Variants in UBE2G1 observed in about 807,000 individuals in gnomAD.
UBE2G1 encodes ubiquitin-conjugating enzyme E2 G1.
UBE2G1 carries 5 observed loss-of-function variants against 22.7 expected under a neutral mutation model. The observed-to-expected ratio is 0.22, with a 90% CI of 0.12 to 0.46. The LOEUF is 0.46. UBE2G1 is among the 20% of genes least tolerant of loss of function. UBE2G1 has a pLI of 0.99. For missense variants in UBE2G1, 88 were observed against 203.9 expected, an observed-to-expected ratio of 0.43 and a Z score of 3.46; for synonymous variants, 74 against 67.5, an observed-to-expected ratio of 1.10 and a Z score of -0.47.
At chr17:4,353,460 T>TACAC (rs1210270667) in intron 1 of UBE2G1, among the ~76,000 whole-genome samples, 3 of 133,408 alleles carry the variant, frequency 2.2e-5, no homozygotes, top group African/African-American at 8.9e-5. Context: ...TATATATATA[T>TACAC]ATACACACAC....
chr17:4,358,940 G>A (rs1237274113), intron 1 of UBE2G1, among the ~76,000 whole-genome samples: 2 of 150,100 alleles, frequency 1.3e-5, no homozygotes, highest in East Asian at 1.9e-4. Flanking sequence ...CAACAAGAGC[G>A]AAACTCCATC....
At chr17:4,283,270 T>C (rs536275169) in intron 4 of UBE2G1, among the ~76,000 whole-genome samples, 1 of 152,336 alleles carries the variant, frequency 6.6e-6, no homozygotes, top group South Asian at 2.1e-4. Context: ...CCCAGCAAGC[T>C]GGGAGGCCGA....
chr17:4,333,481 G>A (rs1480484198), intron 1 of UBE2G1, among the ~76,000 whole-genome samples: 6 of 152,086 alleles, frequency 3.9e-5, no homozygotes, highest in Admixed American at 6.6e-5. Flanking sequence ...TTCGACACCA[G>A]CCTGGCCAAC....
chr17:4,334,261 T>C (rs1479131030), intron 1 of UBE2G1, among the ~76,000 whole-genome samples: 1 of 151,798 alleles, frequency 6.6e-6, no homozygotes, highest in Non-Finnish European at 1.5e-5. Flanking sequence ...CATTTTGTAA[T>C]TCACTGAATG....
chr17:4,280,217 G>C (rs1311357114), intron 5 of UBE2G1, among the ~76,000 whole-genome samples: 1 of 151,078 alleles, frequency 6.6e-6, no homozygotes, highest in Non-Finnish European at 1.5e-5. Flanking sequence ...TTGTATATCT[G>C]GTAGAGACGA....
At chr17:4,313,381 A>G (rs1330530923) in intron 1 of UBE2G1, among the ~76,000 whole-genome samples, 1 of 152,234 alleles carries the variant, frequency 6.6e-6, no homozygotes, top group Non-Finnish European at 1.5e-5. Context: ...CAAAAGGGAA[A>G]CTAAAACCCA....
intron 1 of UBE2G1, among the ~76,000 whole-genome samples, chr17:4,338,275 G>A (rs1195937946): frequency 6.6e-6 from 1 of 151,818 alleles, no homozygotes; most frequent in Non-Finnish European, 1.5e-5. Flanking sequence ...TGAAATTAGG[G>A]ACTGAAAAGG....
At chr17:4,308,335 A>T (rs1187099865) in intron 1 of UBE2G1, among the ~76,000 whole-genome samples, 3 of 152,094 alleles carry the variant, frequency 2.0e-5, no homozygotes, top group African/African-American at 7.2e-5. Flanking sequence ...CCCGGGCAAC[A>T]AGGGCAAAAC....
rs150816057 is a variant in UBE2G1 at position 4,282,327 on chromosome 17, C to G, written c.*37+471G>C. On this transcript the variant is annotated intron_variant, in intron 5 of 5. Transcript: ENST00000396981. ...CAAACCCCTGATCTCAGGTGTTCCA[C>G]CCGCCTCGGCTTCCCAAAGTGCTGG... 2.6e-4 allele frequency among the ~76,000 whole-genome samples: 39 copies of G among 152,290 alleles called. 1 individual carries two copies. In the East Asian group the frequency reaches 6.0e-3, roughly 23 times the overall value.
At chr17:4,305,788 C>T (rs929974688) in intron 2 of UBE2G1, among the ~76,000 whole-genome samples, 4 of 152,134 alleles carry the variant, frequency 2.6e-5, no homozygotes, top group African/African-American at 9.7e-5. Flanking sequence ...GTGATCCACA[C>T]GCCTCAGCCT....
chr17:4,356,175 G>C (rs1461016607), intron 1 of UBE2G1, among the ~76,000 whole-genome samples: 2 of 149,900 alleles, frequency 1.3e-5, no homozygotes, highest in Non-Finnish European at 3.0e-5. Context: ...GACCAACGTG[G>C]AGAAACCCCG....
At chr17:4,294,952 G>A (rs563977465) in intron 3 of UBE2G1, among the ~76,000 whole-genome samples, 2 of 151,404 alleles carry the variant, frequency 1.3e-5, no homozygotes, top group Non-Finnish European at 2.9e-5. Flanking sequence ...GGGAGGGAGC[G>A]AGAGAGGGAG....
intron 1 of UBE2G1, among the ~76,000 whole-genome samples, chr17:4,312,714 A>C (rs928336440): frequency 6.6e-6 from 1 of 151,284 alleles, no homozygotes; most frequent in African/African-American, 2.4e-5. Context: ...AAAAAAAAAA[A>C]ACAAAAGCCA....
At chr17:4,351,849 A>G (rs1332828262) in intron 1 of UBE2G1, among the ~76,000 whole-genome samples, 1 of 152,228 alleles carries the variant, frequency 6.6e-6, no homozygotes, top group Non-Finnish European at 1.5e-5. Flanking sequence ...TTAGAATCCT[A>G]AAGCCCAAAA....
chr17:4,287,585 A>C (rs1348577274), intron 4 of UBE2G1, among the ~76,000 whole-genome samples: 1 of 152,130 alleles, frequency 6.6e-6, no homozygotes, highest in East Asian at 1.9e-4. Context: ...GCCAGTTTTT[A>C]GTTCAATTCT....
At chr17:4,309,895 C>T (rs909999860) in intron 1 of UBE2G1, among the ~76,000 whole-genome samples, 2 of 152,218 alleles carry the variant, frequency 1.3e-5, no homozygotes, top group Non-Finnish European at 2.9e-5. Context: ...ATCATTGCTT[C>T]TTACTCTTGT....
At chr17:4,329,173 C>T (rs930531997) in intron 1 of UBE2G1, among the ~76,000 whole-genome samples, 2 of 145,026 alleles carry the variant, frequency 1.4e-5, no homozygotes, top group African/African-American at 2.6e-5. Context: ...CCGAGGCAGG[C>T]GGATTGCCTG....
At chr17:4,321,945 TTTC>T (rs1188972456) in intron 1 of UBE2G1, among the ~76,000 whole-genome samples, 1 of 152,204 alleles carries the variant, frequency 6.6e-6, no homozygotes. Flanking sequence ...CAACATAATT[TTTC>T]TTTTTTATAT....
At chr17:4,340,362 A>C (rs1313538462) in intron 1 of UBE2G1, among the ~76,000 whole-genome samples, 1 of 152,202 alleles carries the variant, frequency 6.6e-6, no homozygotes, top group Non-Finnish European at 1.5e-5. Flanking sequence ...TGAGAGTTTG[A>C]GTAGATTTTC....
Sources: gnomAD v4.1 joint callset for allele counts (sites outside exome capture counted in the v4.1 genomes callset) on GRCh38, gnomAD v4.1.1 for gene constraint, MANE v1.5 for transcripts, NCBI Gene and HGNC (gene_info 2026-07-23, HGNC 2026-07-21) for gene names.